THSD7B: variants seen among roughly 807,000 people sequenced by gnomAD.
The protein encoded by THSD7B is thrombospondin type 1 domain containing 7B.
Under a neutral mutation model 213.6 loss-of-function variants are expected in THSD7B, and 138 were observed. The ratio of observed to expected loss-of-function variants is 0.65; its 90% CI spans 0.56 to 0.74. The LOEUF is 0.74. THSD7B is among the 30% of genes least tolerant of loss of function. The pLI, the probability that THSD7B is intolerant of heterozygous loss-of-function variation, is 0.00. For synonymous variants in THSD7B, 742 were observed against 687.0 expected, an observed-to-expected ratio of 1.08 and a Z score of -1.25; for missense variants, 1,931 against 1,991.5, an observed-to-expected ratio of 0.97 and a Z score of 0.58.
At chr2:137,556,011 G>A (rs182145892) in intron 15 of THSD7B, among the ~76,000 whole-genome samples, 163 of 152,182 alleles carry the variant, frequency 1.1e-3, no homozygotes, top group Admixed American at 6.9e-3. Context: ...AAAAAGAAAC[G>A]AACAAAGCCT....
chr2:136,986,713 G>A (rs1166188617), intron 2 of THSD7B, among the ~76,000 whole-genome samples: 1 of 152,178 alleles, frequency 6.6e-6, no homozygotes, highest in Admixed American at 6.5e-5. Flanking sequence ...TTTTTTGAAA[G>A]TCAGATTAGT....
At chr2:136,811,739 C>T (rs201347861) in intron 1 of THSD7B, among the ~76,000 whole-genome samples, 20 of 152,224 alleles carry the variant, frequency 1.3e-4, no homozygotes, top group African/African-American at 3.4e-4. Context: ...ATTTCACCGT[C>T]GGGAAATTTT....
intron 5 of THSD7B, among the ~76,000 whole-genome samples, chr2:137,126,267 T>G (rs1449122617): frequency 6.6e-6 from 1 of 152,238 alleles, no homozygotes; most frequent in Non-Finnish European, 1.5e-5. Flanking sequence ...TAAGGCTGTT[T>G]CGTCTACATT....
intron 17 of THSD7B, among the ~76,000 whole-genome samples, chr2:137,573,076 A>C (rs1305088941): frequency 6.6e-6 from 1 of 151,948 alleles, no homozygotes; most frequent in Non-Finnish European, 1.5e-5. Flanking sequence ...AAAAAAAAAA[A>C]ACTAAAGGAT....
At chr2:137,267,261 T>C (rs1682611178) in intron 10 of THSD7B, among the ~76,000 whole-genome samples, 2 of 152,240 alleles carry the variant, frequency 1.3e-5, no homozygotes, top group African/African-American at 2.4e-5. Flanking sequence ...GAATTTAAAC[T>C]AGTTATTTAT....
intron 15 of THSD7B, among the ~76,000 whole-genome samples, chr2:137,553,562 A>C (rs1448918): frequency 0.47 from 71,294 of 152,030 alleles, 17,147 homozygotes; most frequent in South Asian, 0.67. Flanking sequence ...CACAATTCCC[A>C]TGTGAAGAAA....
intron 8 of THSD7B, among the ~76,000 whole-genome samples, chr2:137,232,155 G>T (rs1367564546): frequency 6.6e-6 from 1 of 152,146 alleles, no homozygotes. Flanking sequence ...TTAAAGTGTA[G>T]AAGAGTAGGC....
chr2:137,455,223 C>G lies in THSD7B; in HGVS notation c.3138+4200C>G, dbSNP rs1687740572. On this transcript the variant is annotated intron_variant, in intron 15 of 27. Coordinates refer to ENST00000409968, the MANE Select transcript of THSD7B (RefSeq NM_001316349.2). ...TGGAAGCCTCATTTGAAAACGTAGC[C>G]TTCTCTCTGGATGAGTGGTGCCTAG... Among the ~76,000 whole-genome samples, 2 of 152,102 alleles carry G rather than the reference C, an allele frequency of 1.3e-5. 1 individual carries two copies. The highest frequency in any genetic ancestry group is 4.1e-4 in the South Asian group (2 of 4,832).
chr2:137,149,960 G>A (rs1679782289), intron 5 of THSD7B, among the ~76,000 whole-genome samples: 1 of 152,184 alleles, frequency 6.6e-6, no homozygotes, highest in Non-Finnish European at 1.5e-5. Flanking sequence ...GTGAAGACAT[G>A]GCTTGGTGCA....
intron 1 of THSD7B, among the ~76,000 whole-genome samples, chr2:136,874,706 CTG>C (rs1683496663): frequency 6.6e-6 from 1 of 151,980 alleles, no homozygotes; most frequent in Non-Finnish European, 1.5e-5. Flanking sequence ...GATTAGAAAA[CTG>C]AGGCTAAAAG....
At chr2:137,192,653 ACTC>A (rs939059337) in intron 7 of THSD7B, among the ~76,000 whole-genome samples, 1 of 151,950 alleles carries the variant, frequency 6.6e-6, no homozygotes, top group Non-Finnish European at 1.5e-5. Flanking sequence ...AAAAAAATAA[ACTC>A]CTGCCATTTA....
Position 137,657,068 on chromosome 2 carries a change from G to T in THSD7B, c.4283G>T (p.Gly1428Val). ...CTATTATCATATTTACTTACAGGAG[G>T]CAAATGTTATCACTACACATGGAAA... ...QVLETRPCTG[G>V]KCYHYTWKAS... Residue 1428 changes from glycine (G) to valine (V), a missense_variant, in exon 24 of 28, where the codon GGC becomes GTC. By Grantham distance (109) the Gly-to-Val change is moderately radical (BLOSUM62 -3). Transcript: ENST00000409968. 1 of 1,613,966 alleles carries T rather than the reference G, an allele frequency of 6.2e-7. No homozygotes were observed. The highest frequency in any genetic ancestry group is 8.5e-7 in the Non-Finnish European group (1 of 1,179,868).
intron 15 of THSD7B, among the ~76,000 whole-genome samples, chr2:137,531,768 T>G (rs1340243894): frequency 6.6e-6 from 1 of 151,984 alleles, no homozygotes; most frequent in South Asian, 2.1e-4. Context: ...TTCCCCTTAA[T>G]GCTCATGTGC....
At chr2:137,264,469 C>G (rs1021793251) in intron 10 of THSD7B, among the ~76,000 whole-genome samples, 10 of 152,044 alleles carry the variant, frequency 6.6e-5, no homozygotes, top group African/African-American at 2.2e-4. Context: ...GGGATGGTCT[C>G]GATCTCCTGA....
At chr2:136,960,406 T>A (rs1685196091) in intron 2 of THSD7B, among the ~76,000 whole-genome samples, 2 of 152,156 alleles carry the variant, frequency 1.3e-5, no homozygotes, top group Non-Finnish European at 2.9e-5. Context: ...CTTGAAGTGC[T>A]GGGATTACAG....
At chr2:137,435,070 C>T (rs184190779) in intron 14 of THSD7B, among the ~76,000 whole-genome samples, 1 of 152,100 alleles carries the variant, frequency 6.6e-6, no homozygotes, top group Non-Finnish European at 1.5e-5. Flanking sequence ...TTAATACCAC[C>T]TGTATTCACT....
In THSD7B at chr2:137,232,998, C is replaced by T. The variant is rs756885295; in HGVS notation, c.2015C>T (p.Pro672Leu). 1.2e-6 allele frequency: 2 copies of T among 1,613,952 alleles called. No individual in the cohort carries two copies. The highest frequency in any genetic ancestry group is 3.3e-5 in the Admixed American group (2 of 60,012). The change falls in exon 9 of 28, where the codon CCT becomes CTT. Residue 672 changes from proline (P) to leucine (L), a missense_variant. Physicochemically the swap from Pro to Leu is moderately conservative, Grantham distance 98. Coordinates refer to ENST00000409968, the MANE Select transcript of THSD7B (RefSeq NM_001316349.2). ...QLHWETSPWGPCSEDTLVTAL... is the reference protein window; with the variant it reads ...QLHWETSPWGLCSEDTLVTAL... ...CACTGGGAGACATCGCCTTGGGGCC[C>T]TTGTTCTGAGGACACATTGGTAACT...
intron 14 of THSD7B, among the ~76,000 whole-genome samples, chr2:137,436,312 T>C (rs992312881): frequency 6.6e-6 from 1 of 152,190 alleles, no homozygotes; most frequent in Admixed American, 6.5e-5. Flanking sequence ...TTTATTCTTA[T>C]ATCAATAGTA....
chr2:136,808,095 T>A (rs1238113918), intron 1 of THSD7B, among the ~76,000 whole-genome samples: 2 of 152,230 alleles, frequency 1.3e-5, no homozygotes, highest in East Asian at 3.8e-4. Context: ...TGCTGCCATC[T>A]CCCACTCCAA....
Sources: allele counts gnomAD v4.1 joint callset (sites outside exome capture counted in the v4.1 genomes callset), GRCh38; gene constraint gnomAD v4.1.1; transcripts MANE v1.5; gene names NCBI Gene and HGNC (gene_info 2026-07-23, HGNC 2026-07-21).